The following SH3RF3 variants were observed in gnomAD, a reference collection of about 807,000 sequenced individuals.
SH3RF3 encodes SH3 domain containing ring finger 3.
A neutral mutation model predicts 66.3 loss-of-function variants in SH3RF3; 29 were observed. That is an observed-to-expected ratio of 0.44 (90% CI 0.33 to 0.60). SH3RF3 has a LOEUF of 0.60. Among genes scored for constraint, SH3RF3 ranks in the 20% least tolerant of loss-of-function variants. The pLI, the probability that SH3RF3 is intolerant of heterozygous loss-of-function variation, is 0.04. For synonymous variants in SH3RF3, 583 were observed against 532.0 expected, an observed-to-expected ratio of 1.10 and a Z score of -1.32; for missense variants, 1,194 against 1,190.9, an observed-to-expected ratio of 1.00 and a Z score of -0.04.
At chr2:109,479,066 G>A (rs1173179380) in intron 8 of SH3RF3, among the ~76,000 whole-genome samples, 4 of 152,182 alleles carry the variant, frequency 2.6e-5, no homozygotes, top group African/African-American at 9.7e-5. Context: ...ACTGCTGGCT[G>A]GAACCTTGGC....
intron 4 of SH3RF3, among the ~76,000 whole-genome samples, chr2:109,411,585 A>C (rs1022017013): frequency 6.6e-6 from 1 of 152,152 alleles, no homozygotes. Context: ...AGCCACGACC[A>C]GTGTGCCACT....
intron 2 of SH3RF3, among the ~76,000 whole-genome samples, chr2:109,364,443 A>G (rs1211015004): frequency 1.3e-5 from 2 of 152,222 alleles, no homozygotes; most frequent in Non-Finnish European, 2.9e-5. Context: ...TGATCTTTTA[A>G]GTCTAACATT....
At chr2:109,161,444 G>A (rs1024808468) in intron 1 of SH3RF3, among the ~76,000 whole-genome samples, 2 of 151,204 alleles carry the variant, frequency 1.3e-5, no homozygotes, top group African/African-American at 2.5e-5. Context: ...CTGATGGTCT[G>A]TTCTTCCCCT....
chr2:109,242,452 A>T (rs1679807585), intron 1 of SH3RF3, among the ~76,000 whole-genome samples: 1 of 152,124 alleles, frequency 6.6e-6, no homozygotes, highest in African/African-American at 2.4e-5. Context: ...GGGGCTCAGA[A>T]TGGGGCCAGG....
chr2:109,296,390 GT>G (rs537851058), intron 1 of SH3RF3, among the ~76,000 whole-genome samples: 61 of 148,508 alleles, frequency 4.1e-4, no homozygotes, highest in Non-Finnish European at 3.3e-4. Context: ...ACCACACCCA[GT>G]TTTTTTTTTG....
rs189169087 is a variant in SH3RF3 at position 109,248,607 on chromosome 2, A to G, written c.574-99067A>G. Among the ~76,000 whole-genome samples the G allele has an allele frequency of 3.7e-3, 557 of 152,372 alleles. 5 individuals carry two copies. Among genetic ancestry groups the G allele is most frequent in the African/African-American group, 0.012 (498 of 41,586 alleles). Reference sequence around the variant, plus strand: ...ACCTTGAGACATTAATTGACCAAACATGTATATTAAATAGGTTTGAATATT... The same window carrying G: ...ACCTTGAGACATTAATTGACCAAACGTGTATATTAAATAGGTTTGAATATT... On this transcript the variant is annotated intron_variant, in intron 1 of 9. Transcript: ENST00000309415.
chr2:109,217,235 A>G (rs544492721), intron 1 of SH3RF3, among the ~76,000 whole-genome samples: 1 of 152,318 alleles, frequency 6.6e-6, no homozygotes, highest in South Asian at 2.1e-4. Flanking sequence ...TCACTCTTTT[A>G]ATAAAATTCT....
chr2:109,189,266 G>A (rs1358432660), intron 1 of SH3RF3, among the ~76,000 whole-genome samples: 1 of 151,854 alleles, frequency 6.6e-6, no homozygotes, highest in East Asian at 1.9e-4. Flanking sequence ...AGCTTGATCT[G>A]GAGTTACCTG....
rs149842291 is a variant in SH3RF3, at chr2:109,381,764, G to A, written c.945+10083G>A. On this transcript the variant is annotated intron_variant, in intron 3 of 9. Coordinates refer to ENST00000309415, the MANE Select transcript of SH3RF3 (RefSeq NM_001099289.3). ...TCTGACATGGAACGAAGGTGCTCTC[G>A]CTTCGCAGAAGGGGAAGGGCAGTTG... Among the ~76,000 whole-genome samples, 147 of 152,226 alleles carry A rather than the reference G, an allele frequency of 9.7e-4. 2 individuals carry two copies. The highest frequency in any genetic ancestry group is 3.3e-3 in the African/African-American group (135 of 41,534).
At chr2:109,194,025 A>T (rs1678434260) in intron 1 of SH3RF3, among the ~76,000 whole-genome samples, 1 of 152,216 alleles carries the variant, frequency 6.6e-6, no homozygotes, top group Admixed American at 6.5e-5. Context: ...AAAGTTTTAG[A>T]ACAGTCTGTT....
chr2:109,205,300 G>A (rs1030413001), intron 1 of SH3RF3, among the ~76,000 whole-genome samples: 11 of 147,062 alleles, frequency 7.5e-5, no homozygotes, highest in Middle Eastern at 3.6e-3. Flanking sequence ...TTGCCATGTC[G>A]TCCAGGCTGG....
At chr2:109,383,028 C>T (rs1242925237) in intron 3 of SH3RF3, among the ~76,000 whole-genome samples, 2 of 152,208 alleles carry the variant, frequency 1.3e-5, no homozygotes, top group Non-Finnish European at 2.9e-5. Context: ...TAGGAAGTAC[C>T]ATCCACATTT....
chr2:109,198,796 T>A (rs1678567960), intron 1 of SH3RF3, among the ~76,000 whole-genome samples: 1 of 152,226 alleles, frequency 6.6e-6, no homozygotes, highest in Admixed American at 6.5e-5. Context: ...GTACAGCCTT[T>A]GACATACCTA....
intron 4 of SH3RF3, among the ~76,000 whole-genome samples, chr2:109,417,869 A>G (rs1676767141): frequency 1.3e-5 from 2 of 152,178 alleles, no homozygotes; most frequent in South Asian, 4.1e-4. Context: ...TGCAGAGGTT[A>G]TCAGCTAAGC....
intron 1 of SH3RF3, among the ~76,000 whole-genome samples, chr2:109,174,282 G>A (rs1355923507): frequency 6.6e-6 from 1 of 152,270 alleles, no homozygotes; most frequent in African/African-American, 2.4e-5. Context: ...GAAGGACTAA[G>A]TTGCTTTGTT....
At chr2:109,240,050 CA>C (rs1261160483) in intron 1 of SH3RF3, among the ~76,000 whole-genome samples, 1 of 152,150 alleles carries the variant, frequency 6.6e-6, no homozygotes, top group African/African-American at 2.4e-5. Context: ...GGCTCTGGCC[CA>C]GACCCTTCTC....
At chr2:109,311,763 C>T (rs1458504345) in intron 1 of SH3RF3, among the ~76,000 whole-genome samples, 11 of 144,818 alleles carry the variant, frequency 7.6e-5, no homozygotes, top group Non-Finnish European at 1.2e-4. Context: ...TAATTTCAAG[C>T]GATGAGCAAG....
In SH3RF3 at chr2:109,168,621, A is replaced by C. The variant is rs569921095; in HGVS notation, c.573+38508A>C. Among the ~76,000 whole-genome samples, 3 of 152,282 alleles carry C rather than the reference A, an allele frequency of 2.0e-5. No individual in the cohort carries two copies. In the South Asian group the frequency reaches 6.2e-4, roughly 32 times the overall value. On this transcript the variant is annotated intron_variant, in intron 1 of 9. Transcript: ENST00000309415. ...ACTGATCTGGCCGTAGGTGGTAAGA[A>C]TCTTACAAATCGATGCCATGGACTG...
chr2:109,223,581 A>G (rs1679305302), intron 1 of SH3RF3, among the ~76,000 whole-genome samples: 1 of 152,012 alleles, frequency 6.6e-6, no homozygotes, highest in African/African-American at 2.4e-5. Flanking sequence ...GCTCCATTCA[A>G]GCATCGGTGG....
Sources: gnomAD v4.1 joint callset for allele counts (sites outside exome capture counted in the v4.1 genomes callset) on GRCh38, gnomAD v4.1.1 for gene constraint, MANE v1.5 for transcripts, NCBI Gene and HGNC (gene_info 2026-07-23, HGNC 2026-07-21) for gene names.